The following DNAH1 variants were observed in gnomAD, a reference collection of about 807,000 sequenced individuals.
The protein encoded by DNAH1 is axonemal beta dynein heavy chain 1.
Under a neutral mutation model 484.3 loss-of-function variants are expected in DNAH1, and 327 were observed. The ratio of observed to expected loss-of-function variants is 0.68; its 90% CI spans 0.62 to 0.74. DNAH1 has a LOEUF of 0.74. Ranked by LOEUF, DNAH1 falls within the 30% of genes least tolerant of loss-of-function variation. The pLI is 0.00. For missense variants in DNAH1, 5,052 were observed against 5,546.8 expected (o/e 0.91, Z 2.83); for synonymous variants, 2,192 against 2,191.9 (o/e 1.00, Z 0.00).
In DNAH1 at chr3:52,360,431, G is replaced by C. The variant is rs759042521; in HGVS notation, c.4685+7G>C. On this transcript the variant is annotated splice_region_variant and intron_variant, in intron 28 of 77. Transcript: ENST00000420323. ...TCACGCCCCTCACCGACAGGTAAGC[G>C]TTCCCCTCTTGCTCCTTCCCACACT... The C allele has an allele frequency of 1.9e-6, 3 of 1,610,296 alleles. No homozygotes were observed. The highest frequency in any genetic ancestry group is 2.5e-6 in the Non-Finnish European group (3 of 1,176,948).
chr3:52,329,439 TTACTC>T (rs1296755771), intron 6 of DNAH1, among the ~76,000 whole-genome samples: 2 of 152,288 alleles, frequency 1.3e-5, no homozygotes, highest in South Asian at 4.1e-4. Flanking sequence ...TTACCATCCT[TTACTC>T]AGCTAGCTGG....
Position 52,384,954 on chromosome 3 carries a change from C to T in DNAH1, c.8491C>T (p.Arg2831Cys), listed in dbSNP as rs558159006. The T allele has an allele frequency of 6.2e-6, 10 of 1,613,392 alleles. No homozygotes were observed. Among genetic ancestry groups the T allele is most frequent in the East Asian group, 4.5e-5 (2 of 44,866 alleles). Residue 2831 changes from arginine (R) to cysteine (C), a missense_variant, in exon 53 of 78, where the codon CGC becomes TGC. Around this residue, in one of 4 missense-constraint regions of DNAH1, gnomAD observed 2,929 missense variants for 3,409.4 expected, o/e 0.86. Coordinates refer to ENST00000420323, the MANE Select transcript of DNAH1 (RefSeq NM_015512.5). ...ACTGGAGCTGAAAACTGCCAAGAACCGCATGAAGAGCGGCCTCGACAAGGT... is the reference window on the plus strand; with the variant it reads ...ACTGGAGCTGAAAACTGCCAAGAACTGCATGAAGAGCGGCCTCGACAAGGT... ...KKLELKTAKN[R>C]MKSGLDKLLR...
intron 44 of DNAH1, among the ~76,000 whole-genome samples, 154 bp downstream of exon 44, chr3:52,373,207 G>A (rs1703426405): frequency 6.6e-6 from 1 of 152,158 alleles, no homozygotes; most frequent in Admixed American, 6.5e-5. Flanking sequence ...GGCCGGCTGG[G>A]GGAGGGGCGG....
chr3:52,360,499 C>T, intron 28 of DNAH1, 75 bp downstream of exon 28: 1 of 1,267,942 alleles, frequency 7.9e-7, no homozygotes, highest in Non-Finnish European at 1.1e-6. Flanking sequence ...AATCCAGGGA[C>T]CATGGCCACT....
chr3:52,391,580 C>T lies in DNAH1; in HGVS notation c.10029C>T (p.Leu3343=). Residue 3343 remains leucine, a synonymous_variant, in exon 63 of 78, where the codon CTC becomes CTT. Coordinates refer to ENST00000420323, the MANE Select transcript of DNAH1 (RefSeq NM_015512.5). ...YTPEISTKLT[L]INFTLSPSGL... ...CCGAGATCTCCACCAAACTCACCCT[C>T]ATCAACTTCACCCTGTCGCCCAGGT... 1 of 1,613,884 alleles carries T rather than the reference C, an allele frequency of 6.2e-7. No homozygotes were observed.
chr3:52,396,909 T>A lies in DNAH1; in HGVS notation c.11652T>A (p.Arg3884=). The A allele has an allele frequency of 6.3e-7, 1 of 1,590,314 alleles. No individual in the cohort carries two copies. The highest frequency in any genetic ancestry group is 8.6e-7 in the Non-Finnish European group (1 of 1,167,466). The change falls in exon 73 of 78, where the codon CGT becomes CGA. Residue 3884 remains arginine, a synonymous_variant. Coordinates refer to ENST00000420323, the MANE Select transcript of DNAH1 (RefSeq NM_015512.5). ...CAGGGGAGATCAATTACGGGGGCCG[T>A]GTCACTGATGACTGGGACCGGCGCT... ...YTAGEINYGG[R]VTDDWDRRCI...
intron 61 of DNAH1, 52 bp from the exon 62 acceptor site, chr3:52,391,127 C>G: frequency 6.2e-7 from 1 of 1,611,232 alleles, no homozygotes; most frequent in Non-Finnish European, 8.5e-7. Flanking sequence ...GCCGCAGAGC[C>G]TCAGGCTGGC....
At chr3:52,393,151 T>A in intron 65 of DNAH1, 126 bp downstream of exon 65, 1 of 1,413,412 alleles carries the variant, frequency 7.1e-7, no homozygotes, top group Non-Finnish European at 9.8e-7. Flanking sequence ...AGACTCACAA[T>A]ACATAAGAAT....
upstream of DNAH1, among the ~76,000 whole-genome samples, chr3:52,311,644 G>A (rs1289713986): frequency 1.3e-5 from 2 of 152,230 alleles, no homozygotes; most frequent in African/African-American, 2.4e-5. Flanking sequence ...GTATCCTGAC[G>A]CAAGGCCCCC....
intron 42 of DNAH1, 64 bp from the exon 43 acceptor site, chr3:52,372,163 C>G: frequency 6.2e-7 from 1 of 1,609,618 alleles, no homozygotes; most frequent in Non-Finnish European, 8.5e-7. Context: ...CACATGGATG[C>G]AGGGGCAGCT....
chr3:52,311,984 C>A (rs911616463), upstream of DNAH1, among the ~76,000 whole-genome samples: 41 of 152,260 alleles, frequency 2.7e-4, no homozygotes, highest in African/African-American at 9.4e-4. Flanking sequence ...ACCGCCCCCC[C>A]AACCTGCTTC....
At chr3:52,385,634 C>T (rs1399249210) in intron 54 of DNAH1, among the ~76,000 whole-genome samples, 187 bp downstream of exon 54, 1 of 152,250 alleles carries the variant, frequency 6.6e-6, no homozygotes, top group Admixed American at 6.5e-5. Flanking sequence ...CTATGCCAGG[C>T]ACTGCACTGG....
At position 52,394,976 on chromosome 3, in the gene DNAH1, C is replaced by T. The variant is rs751799342; in HGVS notation, c.10885C>T (p.Arg3629Cys). ...CCAGTTCCAGAAGCTGCTAGTCCTCCGCTGCCTGCGTGGGGACAAGGTTAC... is the reference window on the plus strand; with the variant it reads ...CCAGTTCCAGAAGCTGCTAGTCCTCTGCTGCCTGCGTGGGGACAAGGTTAC... ...LDQFQKLLVL[R>C]CLRGDKVTNA... The change falls in exon 68 of 78, where the codon CGC becomes TGC. Residue 3629 changes from arginine to cysteine, a missense_variant. Physicochemically the swap from Arg to Cys is radical, Grantham distance 180. Transcript: ENST00000420323. The T allele has an allele frequency of 1.2e-5, 19 of 1,612,930 alleles. No homozygotes were observed. The highest frequency in any genetic ancestry group is 1.6e-4 in the Middle Eastern group (1 of 6,082).
intron 16 of DNAH1, among the ~76,000 whole-genome samples, chr3:52,351,410 G>A (rs1046159855): frequency 6.6e-6 from 1 of 152,240 alleles, no homozygotes; most frequent in African/African-American, 2.4e-5. Flanking sequence ...TCAGGGCCCT[G>A]CCCAGGAGAG....
intron 5 of DNAH1, among the ~76,000 whole-genome samples, chr3:52,327,104 C>T (rs909020986): frequency 3.3e-5 from 5 of 151,630 alleles, no homozygotes; most frequent in African/African-American, 1.2e-4. Flanking sequence ...AATGCTGAGT[C>T]TTTGCTTCTT....
intron 6 of DNAH1, 63 bp downstream of exon 6, chr3:52,328,077 T>C (rs1701416600): frequency 6.3e-7 from 1 of 1,584,832 alleles, no homozygotes; most frequent in Non-Finnish European, 8.6e-7. Context: ...TGTCACAGAC[T>C]CCTGGGCTCC....
chr3:52,362,343 G>T lies in DNAH1; in HGVS notation c.4981-45G>T, dbSNP rs1422360107. 6.4e-7 allele frequency: 1 copy of T among 1,559,714 alleles called. No homozygotes were observed. Reference sequence around the variant, plus strand: ...GGGCCCACTCAGAGGAGGGGACAAGGCTGGGCACCCTAGTCCCAGGCAAGT... The same window carrying T: ...GGGCCCACTCAGAGGAGGGGACAAGTCTGGGCACCCTAGTCCCAGGCAAGT... On this transcript the variant is annotated intron_variant, in intron 30 of 77. Coordinates refer to ENST00000420323, the MANE Select transcript of DNAH1 (RefSeq NM_015512.5). The surrounding 1 kb of genome is among the most constrained non-coding windows in gnomAD (Gnocchi z 5.1).
At chr3:52,370,416 C>G (rs1465270082) in intron 39 of DNAH1, 61 bp from the exon 40 acceptor site, 3 of 1,608,066 alleles carry the variant, frequency 1.9e-6, no homozygotes, top group Non-Finnish European at 2.6e-6. Context: ...CCCTGCCCCA[C>G]TTCCTCAGGC....
chr3:52,351,007 GC>G (rs1175514940), intron 16 of DNAH1, among the ~76,000 whole-genome samples: 1 of 152,200 alleles, frequency 6.6e-6, no homozygotes. Flanking sequence ...CCACCACCAT[GC>G]CCGGCTAATT....
Sources: gnomAD v4.1 joint callset for allele counts (sites outside exome capture counted in the v4.1 genomes callset) on GRCh38, gnomAD v4.1.1 for gene constraint, gnomAD v4.1.1 regional missense constraint, Gnocchi (gnomAD v3.1) non-coding constraint, MANE v1.5 for transcripts, NCBI Gene and HGNC (gene_info 2026-07-23, HGNC 2026-07-21) for gene names.